The following USP36 variants were observed in gnomAD, a reference collection of about 807,000 sequenced individuals.
The protein encoded by USP36 is ubiquitin carboxyl-terminal hydrolase 36.
In USP36, 59 loss-of-function variants were observed where a neutral mutation model predicts 111.5. That is an observed-to-expected ratio of 0.53 (90% CI 0.43 to 0.66). The LOEUF (loss-of-function observed/expected upper bound fraction) is 0.66, where lower values mean the gene tolerates loss of function less well. Ranked by LOEUF, USP36 falls within the 30% of genes least tolerant of loss-of-function variation. The pLI is 0.00. For missense variants in USP36, 1,488 were observed against 1,468.0 expected, an observed-to-expected ratio of 1.01 and a Z score of -0.22; for synonymous variants, 628 against 581.0, an observed-to-expected ratio of 1.08 and a Z score of -1.16.
Position 78,802,430 on chromosome 17 carries a change from A to G in USP36, c.2916T>C (p.Asp972=). The change falls in exon 17 of 21, where the codon GAT becomes GAC. Residue 972 remains aspartate, a synonymous_variant. Transcript: ENST00000449938. ...KQETQRAVEE[D]GHLKCPRSAK... is the part of the protein sequence containing the mutation. ...CACTCCTTGGGCATTTGAGATGCCC[A>G]TCCTCTTCTACTGCCCGCTGTGTCT... 1 of 1,612,910 alleles carries G rather than the reference A, an allele frequency of 6.2e-7. No homozygotes were observed. Among genetic ancestry groups the G allele is most frequent in the Non-Finnish European group, 8.5e-7 (1 of 1,179,848 alleles).
chr17:78,823,200 T>C (rs1194302749), intron 6 of USP36: 2 of 398,424 alleles, frequency 5.0e-6, no homozygotes, highest in East Asian at 7.1e-5. Context: ...AGTTAGAAAA[T>C]GAAAAATCAA....
Position 78,835,283 on chromosome 17 carries a change from TGC to T in USP36, c.470_471del (p.Arg157GlnfsTer54), listed in dbSNP as rs778903876. The stretch of plus-strand genomic sequence containing the variant: ...ACTGCTGCAAACCCACACTCACAGC[TGC>T]GAGCATGCTCCTTGGAGAGCAGGTA... ...ANYLLSKEHA[R>X]SCHQGSFCML... On this transcript the variant is annotated frameshift_variant, in exon 4 of 21. Coordinates refer to ENST00000449938, the MANE Select transcript of USP36 (RefSeq NM_001385174.1). LOFTEE classifies it high-confidence loss of function. 2 of 1,613,894 alleles carry T rather than the reference TGC, an allele frequency of 1.2e-6. No individual in the cohort carries two copies. Among genetic ancestry groups the T allele is most frequent in the African/African-American group, 2.7e-5 (2 of 74,922 alleles).
intron 2 of USP36, among the ~76,000 whole-genome samples, chr17:78,838,088 C>A (rs2068846820): frequency 6.8e-6 from 1 of 147,898 alleles, no homozygotes; most frequent in South Asian, 2.2e-4. Context: ...ATCGTGAGAC[C>A]CCATCTTTAA....
chr17:78,835,293 C>T lies in USP36; in HGVS notation c.462G>A (p.Glu154=), dbSNP rs760898043. The change falls in exon 4 of 21, where the codon GAG becomes GAA. Residue 154 remains glutamate (E), a synonymous_variant. Transcript: ENST00000449938. The part of the protein sequence containing the change: ...PPLANYLLSK[E]HARSCHQGSF... ...ACCCACACTCACAGCTGCGAGCATG[C>T]TCCTTGGAGAGCAGGTAGTTGGCTA... The T allele has an allele frequency of 6.2e-7, 1 of 1,614,062 alleles. No homozygotes were observed.
Position 78,836,305 on chromosome 17 carries a change from T to A in USP36, c.59A>T (p.Asp20Val), listed in dbSNP as rs2068660642. 1 of 1,614,208 alleles carries A rather than the reference T, an allele frequency of 6.2e-7. No individual in the cohort carries two copies. Among genetic ancestry groups the A allele is most frequent in the Non-Finnish European group, 8.5e-7 (1 of 1,180,040 alleles). ...AAGAAGCTTCCCCAGTTCTCCATCA[T>A]CAGCCGAGTCCTTGCGGCCGGGTTT... ...ALKPGRKDSA[D>V]DGELGKLLAS... Residue 20 changes from aspartate (D) to valine (V), a missense_variant, in exon 3 of 21, where the codon GAT (aspartate) becomes GTT (valine). Coordinates refer to ENST00000449938, the MANE Select transcript of USP36 (RefSeq NM_001385174.1).
At position 78,798,815 on chromosome 17, in the gene USP36, C is replaced by A; in HGVS notation, c.3240+93G>T. 4.1e-6 allele frequency: 6 copies of A among 1,479,836 alleles called. No homozygotes were observed. The highest frequency in any genetic ancestry group is 1.4e-5 in the African/African-American group (1 of 72,776). 91.7% of individuals were successfully genotyped at this position (1,479,836 alleles called of 1,614,324 possible). On this transcript the variant is annotated intron_variant, in intron 19 of 20. Coordinates refer to ENST00000449938, the MANE Select transcript of USP36 (RefSeq NM_001385174.1). The surrounding 1 kb of genome is among the most constrained non-coding windows in gnomAD (Gnocchi z 5.1). ...TGGCTCTTCTCATGCTCGGCCGCTT[C>A]ATGCCACTGCCGCCACCTCCAACTG...
intron 15 of USP36, among the ~76,000 whole-genome samples, chr17:78,805,076 G>C (rs771668508): frequency 7.2e-5 from 11 of 152,090 alleles, no homozygotes; most frequent in Non-Finnish European, 1.6e-4. Context: ...GCTCCCTCTT[G>C]CCAGCTATGT....
At chr17:78,821,916 A>G in intron 7 of USP36, 21 bp downstream of exon 7, 1 of 1,613,702 alleles carries the variant, frequency 6.2e-7, no homozygotes, top group Non-Finnish European at 8.5e-7. Flanking sequence ...AAGAAGCAGT[A>G]GAACAAACGT....
chr17:78,794,639 G>T (rs2093608237), downstream of USP36, among the ~76,000 whole-genome samples: 1 of 152,164 alleles, frequency 6.6e-6, no homozygotes, highest in Admixed American at 6.5e-5. Context: ...GAATGGAAAA[G>T]CCTGTCAGGC....
intron 6 of USP36, among the ~76,000 whole-genome samples, chr17:78,822,672 C>A (rs1345695339): frequency 6.6e-6 from 1 of 152,206 alleles, no homozygotes; most frequent in Non-Finnish European, 1.5e-5. Context: ...CTGCCTGGCG[C>A]CTCCCACGCC....
chr17:78,831,193 T>G (rs1274461240), intron 4 of USP36, among the ~76,000 whole-genome samples: 1 of 108,062 alleles, frequency 9.3e-6, no homozygotes, highest in African/African-American at 3.7e-5. Flanking sequence ...ACCACTGCAC[T>G]CCGGCCTGGG....
At chr17:78,837,525 C>T (rs559225936) in intron 2 of USP36, among the ~76,000 whole-genome samples, 2 of 152,216 alleles carry the variant, frequency 1.3e-5, no homozygotes, top group African/African-American at 4.8e-5. Flanking sequence ...CTACATACTA[C>T]AGTCCCTAAC....
intron 3 of USP36, among the ~76,000 whole-genome samples, chr17:78,835,766 G>A (rs534606266): frequency 4.6e-5 from 7 of 152,282 alleles, no homozygotes; most frequent in African/African-American, 9.6e-5. Context: ...ACTGAGTGGC[G>A]GAAGGAGCCA....
chr17:78,828,872 A>C, intron 5 of USP36, 25 bp downstream of exon 5: 1 of 1,607,530 alleles, frequency 6.2e-7, no homozygotes, highest in Non-Finnish European at 8.5e-7. Flanking sequence ...AAATCACAAA[A>C]ATTTTAACAT....
At chr17:78,789,641 C>A (rs1270799578) in intron 3 of USP36, among the ~76,000 whole-genome samples, 1 of 152,222 alleles carries the variant, frequency 6.6e-6, no homozygotes, top group Non-Finnish European at 1.5e-5. Flanking sequence ...CTTGCAATTT[C>A]TTCTGTGTGT....
chr17:78,823,355 CCT>C lies in USP36; in HGVS notation c.690-1353_690-1352del, dbSNP rs113889989. Among the ~76,000 whole-genome samples, 553 of 152,288 alleles carry C rather than the reference CCT, an allele frequency of 3.6e-3. 2 individuals are homozygous for C. The highest frequency in any genetic ancestry group is 0.013 in the African/African-American group (531 of 41,544). Reference sequence around the variant, plus strand: ...CAAAATCCAGACCACCCCCACAACCCCTCTGTCATCCAGAAGCCCGCAAGCAC... The same window carrying C: ...CAAAATCCAGACCACCCCCACAACCCCTGTCATCCAGAAGCCCGCAAGCAC... On this transcript the variant is annotated intron_variant, in intron 6 of 20. Transcript: ENST00000449938.
chr17:78,815,291 C>T (rs564711709), intron 10 of USP36, among the ~76,000 whole-genome samples: 1 of 152,272 alleles, frequency 6.6e-6, no homozygotes, highest in Admixed American at 6.5e-5. Context: ...GAGATCATAC[C>T]ACTGCACTCC....
In USP36 at chr17:78,814,552, C is replaced by A; in HGVS notation, c.1024G>T (p.Asp342Tyr). Residue 342 changes from aspartate to tyrosine, a missense_variant and splice_region_variant, in exon 11 of 21, where the codon GAT (aspartate) becomes TAT (tyrosine). Coordinates refer to ENST00000449938, the MANE Select transcript of USP36 (RefSeq NM_001385174.1). ...ANFSGGKITK[D>Y]VGYPEFLNIR... ...TTGAGGAATTCCGGATAGCCTACAT[C>A]CTGTTTGAAAAATCAAGGAAAAGAC... 1 of 1,608,340 alleles carries A rather than the reference C, an allele frequency of 6.2e-7. No homozygotes were observed. Among genetic ancestry groups the A allele is most frequent in the Non-Finnish European group, 8.5e-7 (1 of 1,178,128 alleles).
At chr17:78,837,443 CT>C (rs2068787299) in intron 2 of USP36, among the ~76,000 whole-genome samples, 1 of 152,122 alleles carries the variant, frequency 6.6e-6, no homozygotes, top group Non-Finnish European at 1.5e-5. Flanking sequence ...ACTACTATGA[CT>C]TCTCCAAACC....
Sources: gnomAD v4.1 joint callset for allele counts (sites outside exome capture counted in the v4.1 genomes callset) on GRCh38, gnomAD v4.1.1 for gene constraint, Gnocchi (gnomAD v3.1) non-coding constraint, MANE v1.5 for transcripts, NCBI Gene and HGNC (gene_info 2026-07-23, HGNC 2026-07-21) for gene names.